Variants in FHIT observed in about 807,000 individuals in gnomAD.
FHIT encodes the protein bis(5'-adenosyl)-triphosphatase.
In FHIT, 19 loss-of-function variants were observed where a neutral mutation model predicts 17.9. That is an observed-to-expected ratio of 1.06 (90% CI 0.74 to 1.56). The LOEUF (loss-of-function observed/expected upper bound fraction) is 1.56. Among genes scored for constraint, FHIT ranks in the 40% most tolerant of loss-of-function variants. FHIT has a pLI of 0.00. For missense variants in FHIT, 248 were observed against 189.2 expected, an observed-to-expected ratio of 1.31 and a Z score of -1.82; for synonymous variants, 81 against 69.7, an observed-to-expected ratio of 1.16 and a Z score of -0.81.
chr3:60,703,811 A>G (rs990107308), intron 4 of FHIT, among the ~76,000 whole-genome samples: 1 of 152,148 alleles, frequency 6.6e-6, no homozygotes, highest in Non-Finnish European at 1.5e-5. Flanking sequence ...ATGTAAAACT[A>G]TCTGGGCCTG....
At chr3:59,871,365 G>C (rs1025114628) in intron 8 of FHIT, among the ~76,000 whole-genome samples, 3 of 152,046 alleles carry the variant, frequency 2.0e-5, no homozygotes, top group Non-Finnish European at 4.4e-5. Context: ...ATATTTGTAA[G>C]AATCTCAACA....
intron 4 of FHIT, among the ~76,000 whole-genome samples, chr3:60,781,310 T>C (rs1250562327): frequency 9.2e-5 from 14 of 152,318 alleles, no homozygotes; most frequent in African/African-American, 3.4e-4. Context: ...AACTATGCTA[T>C]ACTGGGAACC....
intron 4 of FHIT, among the ~76,000 whole-genome samples, chr3:60,754,757 C>A (rs1352200870): frequency 6.6e-6 from 1 of 152,126 alleles, no homozygotes; most frequent in Admixed American, 6.6e-5. Flanking sequence ...TTGTTTTCAA[C>A]ATTTACCCTT....
intron 1 of FHIT, among the ~76,000 whole-genome samples, chr3:61,206,249 T>C (rs12492105): frequency 0.22 from 23,633 of 109,492 alleles, 4,269 homozygotes; most frequent in South Asian, 0.32. Context: ...AGTCAGGTAG[T>C]GTGATGCCTC....
chr3:61,195,016 G>T (rs1274400143), intron 2 of FHIT, among the ~76,000 whole-genome samples: 4 of 141,126 alleles, frequency 2.8e-5, no homozygotes, highest in Non-Finnish European at 6.1e-5. Flanking sequence ...TTAGTGGGGG[G>T]TGTGATAGTG....
At chr3:60,451,376 T>C (rs2031732645) in intron 5 of FHIT, among the ~76,000 whole-genome samples, 1 of 152,152 alleles carries the variant, frequency 6.6e-6, no homozygotes, top group Non-Finnish European at 1.5e-5. Flanking sequence ...CAGACCTTCT[T>C]CATTTCTGAA....
intron 2 of FHIT, among the ~76,000 whole-genome samples, chr3:61,091,561 T>A (rs2035482519): frequency 6.6e-6 from 1 of 152,134 alleles, no homozygotes; most frequent in Non-Finnish European, 1.5e-5. Flanking sequence ...GCAACGCAGA[T>A]CATCCTGCCT....
At chr3:60,898,074 A>T (rs571096619) in intron 3 of FHIT, among the ~76,000 whole-genome samples, 1 of 152,250 alleles carries the variant, frequency 6.6e-6, no homozygotes, top group Admixed American at 6.5e-5. Flanking sequence ...GTAAACACAC[A>T]CCTATTTAAA....
intron 4 of FHIT, among the ~76,000 whole-genome samples, chr3:60,700,048 T>C (rs1341987523): frequency 6.6e-6 from 1 of 151,400 alleles, no homozygotes; most frequent in South Asian, 2.1e-4. Context: ...GGAGAATCGC[T>C]TGAACCCGGG....
chr3:61,187,437 C>G (rs1318476517), intron 2 of FHIT, among the ~76,000 whole-genome samples: 1 of 152,092 alleles, frequency 6.6e-6, no homozygotes, highest in Non-Finnish European at 1.5e-5. Context: ...AAAGCAAGCC[C>G]TTAGAGACCT....
intron 5 of FHIT, among the ~76,000 whole-genome samples, chr3:60,207,094 A>C (rs1703230161): frequency 6.6e-6 from 1 of 152,032 alleles, no homozygotes; most frequent in Admixed American, 6.6e-5. Context: ...CACTCCTAGG[A>C]AGACCATATG....
chr3:61,178,407 G>C lies in FHIT; in HGVS notation c.-164+22210C>G, dbSNP rs566558347. Among the ~76,000 whole-genome samples, 9 of 151,218 alleles carry C rather than the reference G, an allele frequency of 6.0e-5. No individual in the cohort carries two copies. The South Asian group carries it at 1.9e-3, about 32-fold the overall frequency. On this transcript the variant is annotated intron_variant, in intron 2 of 9. Transcript: ENST00000492590. ...AAGGTGGTTAGTTTGGATTTGACAG[G>C]GTGAGGTGGTGGGCATTGGGGATAA...
intron 5 of FHIT, among the ~76,000 whole-genome samples, chr3:60,120,233 T>G (rs563383350): frequency 6.6e-6 from 1 of 152,184 alleles, no homozygotes; most frequent in African/African-American, 2.4e-5. Flanking sequence ...CAGTAAACTC[T>G]CTGGCAGCAG....
At chr3:60,836,474 C>T (rs1283577939) in intron 3 of FHIT, among the ~76,000 whole-genome samples, 1 of 152,058 alleles carries the variant, frequency 6.6e-6, no homozygotes, top group East Asian at 1.9e-4. Context: ...TAAATATTAT[C>T]TATTTCATGA....
intron 5 of FHIT, among the ~76,000 whole-genome samples, chr3:60,219,603 T>C (rs2107530852): frequency 6.6e-6 from 1 of 152,248 alleles, no homozygotes; most frequent in South Asian, 2.1e-4. Context: ...GGGCTGTAAG[T>C]TCATCTGACA....
At chr3:60,686,827 G>T (rs1241442156) in intron 4 of FHIT, among the ~76,000 whole-genome samples, 1 of 152,146 alleles carries the variant, frequency 6.6e-6, no homozygotes, top group Admixed American at 6.5e-5. Context: ...ACTCTGTGTG[G>T]CCCTACCTGT....
intron 4 of FHIT, among the ~76,000 whole-genome samples, chr3:60,695,715 T>A (rs1217909161): frequency 6.6e-6 from 1 of 152,150 alleles, no homozygotes; most frequent in Non-Finnish European, 1.5e-5. Context: ...GCATTCTGGG[T>A]AAGAACAGGG....
chr3:60,428,573 A>T (rs77597600), intron 5 of FHIT, among the ~76,000 whole-genome samples: 279 of 152,288 alleles, frequency 1.8e-3, no homozygotes, highest in African/African-American at 6.3e-3. Context: ...TGACTACCAC[A>T]TTCAGCAATA....
intron 4 of FHIT, among the ~76,000 whole-genome samples, chr3:60,702,187 T>C (rs1394789399): frequency 6.6e-6 from 1 of 152,168 alleles, no homozygotes; most frequent in Non-Finnish European, 1.5e-5. Context: ...TACTGAATAT[T>C]AACTTCATAT....
Sources: allele counts gnomAD v4.1 joint callset (sites outside exome capture counted in the v4.1 genomes callset), GRCh38; gene constraint gnomAD v4.1.1; transcripts MANE v1.5; gene names NCBI Gene and HGNC (gene_info 2026-07-23, HGNC 2026-07-21).